SLC49A4: variants seen among roughly 807,000 people sequenced by gnomAD.
SLC49A4 encodes disrupted in renal cancer protein 2.
Under a neutral mutation model 50.6 loss-of-function variants are expected in SLC49A4, and 36 were observed. The observed-to-expected ratio is 0.71, with a 90% CI of 0.55 to 0.94. SLC49A4 has a LOEUF of 0.94. Ranked by LOEUF, SLC49A4 falls within the 40% of genes least tolerant of loss-of-function variation. The pLI is 0.00. For synonymous variants in SLC49A4, 248 were observed against 241.2 expected (o/e 1.03, Z -0.26); for missense variants, 503 against 605.7 (o/e 0.83, Z 1.78).
chr3:122,858,184 T>C (rs1937011280), intron 6 of SLC49A4, among the ~76,000 whole-genome samples: 1 of 152,232 alleles, frequency 6.6e-6, no homozygotes, highest in Admixed American at 6.5e-5. Flanking sequence ...GTCCTAATAA[T>C]ACACTTCAAT....
chr3:122,827,696 G>C (rs1936552272), intron 3 of SLC49A4, among the ~76,000 whole-genome samples: 1 of 152,140 alleles, frequency 6.6e-6, no homozygotes, highest in South Asian at 2.1e-4. Context: ...TATTTCCTCT[G>C]CATTCAGAAC....
At chr3:122,812,975 C>T (rs1242035101) in intron 2 of SLC49A4, among the ~76,000 whole-genome samples, 1 of 152,120 alleles carries the variant, frequency 6.6e-6, no homozygotes, top group African/African-American at 2.4e-5. Flanking sequence ...TGTGTAAAGG[C>T]AGGGCGTGAT....
intron 3 of SLC49A4, among the ~76,000 whole-genome samples, chr3:122,827,916 T>C (rs745898361): frequency 2.0e-5 from 3 of 152,164 alleles, no homozygotes; most frequent in Non-Finnish European, 2.9e-5. Flanking sequence ...GTTCACCAAG[T>C]GTTTGAGTGG....
chr3:122,800,794 C>G (rs1402868108), intron 1 of SLC49A4, among the ~76,000 whole-genome samples: 1 of 151,886 alleles, frequency 6.6e-6, no homozygotes, highest in Non-Finnish European at 1.5e-5. Context: ...CTTTTTTCCC[C>G]TCAGAAAAAT....
intron 2 of SLC49A4, among the ~76,000 whole-genome samples, chr3:122,824,668 C>T (rs1936500157): frequency 6.9e-6 from 1 of 145,574 alleles, no homozygotes; most frequent in Non-Finnish European, 1.5e-5. Flanking sequence ...TCTCGTCTTT[C>T]CTTCCTTCCT....
chr3:122,804,132 A>G (rs1936175556), intron 1 of SLC49A4, among the ~76,000 whole-genome samples: 1 of 152,210 alleles, frequency 6.6e-6, no homozygotes, highest in African/African-American at 2.4e-5. Context: ...CTCATCATCC[A>G]GGGAGGCCAC....
At chr3:122,830,603 G>A (rs1936596120) in intron 3 of SLC49A4, among the ~76,000 whole-genome samples, 1 of 152,182 alleles carries the variant, frequency 6.6e-6, no homozygotes, top group African/African-American at 2.4e-5. Flanking sequence ...AGGAATAACT[G>A]AATATCCAAA....
intron 7 of SLC49A4, among the ~76,000 whole-genome samples, chr3:122,871,417 T>C (rs1241514723): frequency 6.6e-6 from 1 of 152,138 alleles, no homozygotes; most frequent in African/African-American, 2.4e-5. Context: ...ATATGTTCTG[T>C]GAGTGTGTGA....
chr3:122,805,129 A>G (rs1936196263), intron 1 of SLC49A4, among the ~76,000 whole-genome samples: 1 of 152,198 alleles, frequency 6.6e-6, no homozygotes, highest in South Asian at 2.1e-4. Context: ...TAGGATATTT[A>G]TGACCATGTA....
intron 2 of SLC49A4, among the ~76,000 whole-genome samples, chr3:122,820,910 G>A (rs1936439553): frequency 6.6e-6 from 1 of 152,212 alleles, no homozygotes; most frequent in Non-Finnish European, 1.5e-5. Flanking sequence ...GATATGGTTT[G>A]GCTGTGTCCC....
intron 4 of SLC49A4, among the ~76,000 whole-genome samples, chr3:122,837,010 T>C (rs149475276): frequency 6.6e-6 from 1 of 152,312 alleles, no homozygotes; most frequent in East Asian, 1.9e-4. Context: ...ACAAGGGATG[T>C]GAAGGACCTC....
At chr3:122,852,634 G>A (rs921806154) in intron 5 of SLC49A4, among the ~76,000 whole-genome samples, 1 of 152,058 alleles carries the variant, frequency 6.6e-6, no homozygotes, top group Non-Finnish European at 1.5e-5. Context: ...CTTAAAGCTG[G>A]GCTTTAGTCC....
chr3:122,824,117 A>G (rs536166782), intron 2 of SLC49A4, among the ~76,000 whole-genome samples: 1 of 152,220 alleles, frequency 6.6e-6, no homozygotes, highest in African/African-American at 2.4e-5. Flanking sequence ...CTTGTTTATG[A>G]AGAGTGTATG....
At position 122,795,263 on chromosome 3, in the gene SLC49A4, G is replaced by C; in HGVS notation, c.71G>C (p.Gly24Ala). ...GGGCCCGGGCTCGGGCCTGGGCTGG[G>C]GGCCTCCTGGAGAAGCCGGGAGGCG... ...LLGPGLGPGL[G>A]ASWRSREAAA... Residue 24 changes from glycine to alanine, a missense_variant, in exon 1 of 9, where the codon GGG (glycine) becomes GCG (alanine). Gly to Ala is a moderately conservative substitution (Grantham distance 60). Coordinates refer to ENST00000261038, the MANE Select transcript of SLC49A4 (RefSeq NM_032839.3). 1 of 1,395,864 alleles carries C rather than the reference G, an allele frequency of 7.2e-7. No individual in the cohort carries two copies. The highest frequency in any genetic ancestry group is 9.2e-7 in the Non-Finnish European group (1 of 1,088,106). 86.5% of individuals were successfully genotyped at this position (1,395,864 alleles called of 1,614,324 possible).
intron 2 of SLC49A4, among the ~76,000 whole-genome samples, chr3:122,824,334 G>T (rs530415056): frequency 6.6e-6 from 1 of 152,064 alleles, no homozygotes; most frequent in Non-Finnish European, 1.5e-5. Context: ...ACTTTAACAC[G>T]TACTGTATCG....
intron 1 of SLC49A4, among the ~76,000 whole-genome samples, chr3:122,796,511 TGAA>T (rs1452490640): frequency 6.6e-6 from 1 of 152,152 alleles, no homozygotes; most frequent in African/African-American, 2.4e-5. Context: ...AAGTCCAAGA[TGAA>T]GGCTCAGGCA....
chr3:122,834,508 C>T (rs1211667200), intron 4 of SLC49A4, among the ~76,000 whole-genome samples: 2 of 152,044 alleles, frequency 1.3e-5, no homozygotes, highest in Non-Finnish European at 2.9e-5. Context: ...AATTCTTTAA[C>T]ATGAACCGTA....
Position 122,879,590 on chromosome 3 carries a change from A to C in SLC49A4, c.*212A>C, listed in dbSNP as rs1937308348. 2.3e-6 allele frequency: 1 copy of C among 431,366 alleles called. No homozygotes were observed. Among genetic ancestry groups the C allele is most frequent in the Non-Finnish European group, 4.1e-6 (1 of 243,978 alleles). The allele number at this position is 431,366 out of a possible 1,614,324, so 26.7% of individuals were successfully genotyped here. On this transcript the variant is annotated 3_prime_UTR_variant, in exon 9 of 9. Transcript: ENST00000261038. ...TGATAATAGGGGATTTTAAAACTCT[A>C]CAGATGGCATACCTGTGCCTGCTTC...
chr3:122,820,380 A>G (rs976302930), intron 2 of SLC49A4, among the ~76,000 whole-genome samples: 56 of 152,338 alleles, frequency 3.7e-4, no homozygotes, highest in African/African-American at 1.3e-3. Flanking sequence ...TGTGTTATTA[A>G]CTTTCTGGAA....
Sources: gnomAD v4.1 joint callset for allele counts (sites outside exome capture counted in the v4.1 genomes callset) on GRCh38, gnomAD v4.1.1 for gene constraint, MANE v1.5 for transcripts, NCBI Gene and HGNC (gene_info 2026-07-23, HGNC 2026-07-21) for gene names.